The following CNTN5 variants were observed in gnomAD, a reference collection of about 807,000 sequenced individuals.
CNTN5 encodes contactin-5.
A neutral mutation model predicts 129.1 loss-of-function variants in CNTN5; 77 were observed. The ratio of observed to expected loss-of-function variants is 0.60; its 90% confidence interval spans 0.50 to 0.72. The LOEUF is 0.72. CNTN5 is among the 30% of genes least tolerant of loss of function. The pLI is 0.00. For missense variants in CNTN5, 1,478 were observed against 1,328.8 expected, an observed-to-expected ratio of 1.11 and a Z score of -1.75; for synonymous variants, 509 against 465.6, an observed-to-expected ratio of 1.09 and a Z score of -1.20.
chr11:99,760,969 T>G (rs1035572601), intron 3 of CNTN5, among the ~76,000 whole-genome samples: 2 of 152,164 alleles, frequency 1.3e-5, no homozygotes, highest in African/African-American at 4.8e-5. Flanking sequence ...TGTGGGTTAT[T>G]TGTTTTATTG....
At chr11:99,779,334 A>T (rs1347890006) in intron 3 of CNTN5, among the ~76,000 whole-genome samples, 1 of 151,986 alleles carries the variant, frequency 6.6e-6, no homozygotes, top group Non-Finnish European at 1.5e-5. Context: ...TGGAAATAGA[A>T]TTTTTAATGT....
chr11:100,202,086 G>A (rs144024474), intron 15 of CNTN5, among the ~76,000 whole-genome samples: 2,192 of 152,112 alleles, frequency 0.014, 22 homozygotes, highest in Non-Finnish European at 0.022. Context: ...TATAGAAATT[G>A]TGTTATTGTT....
intron 4 of CNTN5, chr11:99,844,461 T>C (rs2135693548): frequency 3.6e-6 from 1 of 275,966 alleles, no homozygotes; most frequent in Admixed American, 5.1e-5. Context: ...AATATTAATA[T>C]ATTACTTTTG....
intron 13 of CNTN5, among the ~76,000 whole-genome samples, chr11:100,098,587 G>C (rs1191479868): frequency 6.6e-6 from 1 of 151,940 alleles, no homozygotes; most frequent in African/African-American, 2.4e-5. Flanking sequence ...AGTGTATCTT[G>C]GTACCCCCTT....
chr11:99,303,654 G>T (rs1021943607), intron 1 of CNTN5, among the ~76,000 whole-genome samples: 1 of 151,892 alleles, frequency 6.6e-6, no homozygotes, highest in African/African-American at 2.4e-5. Flanking sequence ...CCAGTGCTGT[G>T]TTCCCTCCAG....
intron 1 of CNTN5, among the ~76,000 whole-genome samples, chr11:99,312,809 A>C (rs1329949120): frequency 1.3e-5 from 1 of 77,744 alleles, no homozygotes; most frequent in Non-Finnish European, 2.6e-5. Context: ...AGAGAAATTA[A>C]GTGATTTTTT....
chr11:99,274,858 G>T (rs1298519749), intron 1 of CNTN5, among the ~76,000 whole-genome samples: 1 of 151,434 alleles, frequency 6.6e-6, no homozygotes, highest in Non-Finnish European at 1.5e-5. Context: ...TTACAATGCT[G>T]CCAGTGCTCA....
At chr11:99,255,895 T>A (rs1862355923) in intron 1 of CNTN5, among the ~76,000 whole-genome samples, 1 of 151,914 alleles carries the variant, frequency 6.6e-6, no homozygotes, top group Non-Finnish European at 1.5e-5. Context: ...TAAAGCTTTA[T>A]ACTTGATATA....
At chr11:100,098,842 C>T (rs1945113192) in intron 13 of CNTN5, among the ~76,000 whole-genome samples, 1 of 152,056 alleles carries the variant, frequency 6.6e-6, no homozygotes, top group Non-Finnish European at 1.5e-5. Context: ...CAGTTGTCCA[C>T]AAATTCCATC....
intron 21 of CNTN5, among the ~76,000 whole-genome samples, chr11:100,331,603 A>T (rs575186703): frequency 6.6e-6 from 1 of 152,258 alleles, no homozygotes. Context: ...AGTCTCAGTA[A>T]ATTTAAGAAA....
chr11:99,303,615 G>C (rs899342634), intron 1 of CNTN5, among the ~76,000 whole-genome samples: 3 of 151,508 alleles, frequency 2.0e-5, no homozygotes, highest in Non-Finnish European at 4.4e-5. Flanking sequence ...AACACTGGCT[G>C]TACCCTCTGC....
rs1199950872 is a variant in CNTN5, at chr11:99,677,288, A to G, written c.55+121019A>G. Among the ~76,000 whole-genome samples the G allele has an allele frequency of 3.3e-5, 5 of 152,096 alleles. No homozygotes were observed. The East Asian group carries it at 9.8e-4, about 30-fold the overall frequency. On this transcript the variant is annotated intron_variant, in intron 3 of 24. Coordinates refer to ENST00000524871, the MANE Select transcript of CNTN5 (RefSeq NM_014361.4). The stretch of plus-strand genomic sequence containing the variant: ...GTTTAACTTATCTCAGAGACCTAAA[A>G]GCTACCAATGGTGAATGCCTTTACA...
chr11:99,539,622 G>A (rs563222383), intron 2 of CNTN5, among the ~76,000 whole-genome samples: 1 of 152,142 alleles, frequency 6.6e-6, no homozygotes, highest in East Asian at 1.9e-4. Flanking sequence ...AGGAAGCGGA[G>A]TGTCAGAATA....
chr11:100,013,489 C>A (rs1380947747), intron 9 of CNTN5, among the ~76,000 whole-genome samples: 3 of 152,140 alleles, frequency 2.0e-5, no homozygotes, highest in African/African-American at 4.8e-5. Context: ...AAGTTGTCAA[C>A]AATCTGAGTA....
intron 4 of CNTN5, among the ~76,000 whole-genome samples, chr11:99,834,900 A>C (rs892810476): frequency 2.6e-5 from 4 of 152,214 alleles, no homozygotes; most frequent in Non-Finnish European, 5.9e-5. Flanking sequence ...AGTCAAGACC[A>C]TCTTGCCCTA....
chr11:99,465,817 G>T (rs962034329), intron 2 of CNTN5, among the ~76,000 whole-genome samples: 12 of 151,166 alleles, frequency 7.9e-5, no homozygotes, highest in Non-Finnish European at 1.6e-4. Flanking sequence ...GGGGAAGCAG[G>T]CATGTCTTAC....
intron 13 of CNTN5, among the ~76,000 whole-genome samples, chr11:100,099,359 G>C (rs1945138598): frequency 6.6e-6 from 1 of 151,924 alleles, no homozygotes; most frequent in East Asian, 1.9e-4. Context: ...CTGATTCTTA[G>C]TTTGATATTA....
At chr11:99,224,652 G>C (rs1349870334) in intron 1 of CNTN5, among the ~76,000 whole-genome samples, 3 of 94,700 alleles carry the variant, frequency 3.2e-5, no homozygotes, top group African/African-American at 1.2e-4. Context: ...GTCTCCCAAG[G>C]TTGCATTTTT....
chr11:99,063,507 CATAAATAAATAAATAAATAAATAA>C (rs67049549), intron 1 of CNTN5, among the ~76,000 whole-genome samples: 4 of 148,684 alleles, frequency 2.7e-5, no homozygotes, highest in Non-Finnish European at 6.0e-5. Flanking sequence ...ACTGAAAACT[CATAAATAAATAAATAAATAAATAA>C]ATAAATAAAT....
Sources: allele counts gnomAD v4.1 joint callset (sites outside exome capture counted in the v4.1 genomes callset), GRCh38; gene constraint gnomAD v4.1.1; transcripts MANE v1.5; gene names NCBI Gene and HGNC (gene_info 2026-07-23, HGNC 2026-07-21).